The following SPAG16 variants were observed in gnomAD, a reference collection of about 807,000 sequenced individuals.
SPAG16 encodes the protein sperm associated antigen 16.
A neutral mutation model predicts 80.4 loss-of-function variants in SPAG16; 86 were observed. That is an observed-to-expected ratio of 1.07 (90% CI 0.90 to 1.28). The LOEUF (loss-of-function observed/expected upper bound fraction) is 1.28, where lower values mean the gene tolerates loss of function less well. Among genes scored for constraint, SPAG16 ranks in the 50% most tolerant of loss-of-function variants. The pLI is 0.00. For missense variants in SPAG16, 870 were observed against 765.3 expected (o/e 1.14, Z -1.61); for synonymous variants, 294 against 265.9 (o/e 1.11, Z -1.03).
intron 14 of SPAG16, among the ~76,000 whole-genome samples, chr2:214,144,401 T>C (rs551891392): frequency 2.4e-4 from 35 of 145,008 alleles, no homozygotes; most frequent in African/African-American, 9.2e-4. Flanking sequence ...TTGGCATAAA[T>C]TTTTCCATGT....
At chr2:213,648,739 AG>A in intron 10 of SPAG16, among the ~76,000 whole-genome samples, 1 of 152,196 alleles carries the variant, frequency 6.6e-6, no homozygotes, top group Admixed American at 6.5e-5. Flanking sequence ...ACAAACTATA[AG>A]CAGAAAAGAA....
At chr2:214,102,357 A>C (rs1246838299) in intron 13 of SPAG16, among the ~76,000 whole-genome samples, 1 of 148,600 alleles carries the variant, frequency 6.7e-6, no homozygotes, top group Non-Finnish European at 1.5e-5. Context: ...AAATGGGGTG[A>C]CCTATTTGTC....
At chr2:213,891,470 C>G (rs1022047232) in intron 11 of SPAG16, among the ~76,000 whole-genome samples, 1 of 152,026 alleles carries the variant, frequency 6.6e-6, no homozygotes, top group African/African-American at 2.4e-5. Flanking sequence ...CTGACAATAA[C>G]AGTTGTCAGT....
intron 2 of SPAG16, among the ~76,000 whole-genome samples, chr2:213,296,390 T>A (rs1186883819): frequency 2.0e-5 from 3 of 152,202 alleles, no homozygotes; most frequent in African/African-American, 7.2e-5. Context: ...TACCATAAAC[T>A]GTTATCTCTG....
chr2:213,652,605 T>C lies in SPAG16; in HGVS notation c.1070+162515T>C, dbSNP rs1039888506. On this transcript the variant is annotated intron_variant, in intron 10 of 15. Transcript: ENST00000331683. ...TTATCTGTTCTAACAGGTAGTGATA[T>C]ATTGTCATGGTTATAATTTGCATTT... is the stretch of plus-strand genomic sequence containing the variant. Among the ~76,000 whole-genome samples, 18 of 152,196 alleles carry C rather than the reference T, an allele frequency of 1.2e-4. 1 individual carries two copies. The highest frequency in any genetic ancestry group is 2.5e-4 in the Non-Finnish European group (17 of 68,004).
chr2:213,567,033 G>A (rs2059792437), intron 10 of SPAG16, among the ~76,000 whole-genome samples: 2 of 151,920 alleles, frequency 1.3e-5, no homozygotes, highest in Non-Finnish European at 2.9e-5. Flanking sequence ...TCATCCTTCT[G>A]GCTTATCTTG....
Position 214,044,612 on chromosome 2 carries a change from T to C in SPAG16, c.1527+30535T>C, listed in dbSNP as rs143526453. 1.1e-3 allele frequency among the ~76,000 whole-genome samples: 169 copies of C among 152,320 alleles called. 1 individual carries two copies. The highest frequency in any genetic ancestry group is 4.0e-3 in the African/African-American group (165 of 41,570). On this transcript the variant is annotated intron_variant, in intron 13 of 15. Coordinates refer to ENST00000331683, the MANE Select transcript of SPAG16 (RefSeq NM_024532.5). ...TTCAGAGTACCTGCTTTTAACTTCA[T>C]ACTGAAAGAGGCACTGAAAAGGATA... is the stretch of plus-strand genomic sequence containing the variant.
chr2:214,066,306 C>T (rs1195761689), intron 13 of SPAG16, among the ~76,000 whole-genome samples: 1 of 152,130 alleles, frequency 6.6e-6, no homozygotes, highest in African/African-American at 2.4e-5. Flanking sequence ...CAAGCACCAT[C>T]TGAGGCTGAA....
At chr2:213,417,438 G>C (rs567060482) in intron 9 of SPAG16, among the ~76,000 whole-genome samples, 9 of 152,158 alleles carry the variant, frequency 5.9e-5, no homozygotes, top group Non-Finnish European at 1.3e-4. Flanking sequence ...ACAACATGCA[G>C]GGAACTAGAC....
chr2:214,014,190 A>G, intron 13 of SPAG16, 113 bp downstream of exon 13: 1 of 1,329,314 alleles, frequency 7.5e-7, no homozygotes, highest in Non-Finnish European at 1.0e-6. Context: ...CATTCAGGGC[A>G]AAAGAACAGT....
intron 10 of SPAG16, among the ~76,000 whole-genome samples, chr2:213,762,885 C>T (rs113133207): frequency 6.6e-6 from 1 of 152,056 alleles, no homozygotes; most frequent in Non-Finnish European, 1.5e-5. Context: ...AGTTGCAAAT[C>T]TTATAAGGGG....
chr2:214,197,038 G>A (rs1399235443), intron 15 of SPAG16, among the ~76,000 whole-genome samples: 1 of 151,934 alleles, frequency 6.6e-6, no homozygotes, highest in Non-Finnish European at 1.5e-5. Context: ...AAATGGCCCT[G>A]GGATATTCAG....
chr2:214,185,088 A>T (rs1386510111), intron 15 of SPAG16, among the ~76,000 whole-genome samples: 1 of 152,060 alleles, frequency 6.6e-6, no homozygotes, highest in Non-Finnish European at 1.5e-5. Context: ...GACAAAGGTA[A>T]TTTGCTTGCA....
intron 10 of SPAG16, among the ~76,000 whole-genome samples, chr2:213,562,183 G>T (rs989793065): frequency 6.6e-6 from 1 of 152,160 alleles, no homozygotes; most frequent in Non-Finnish European, 1.5e-5. Flanking sequence ...ATTCATAGTT[G>T]CTAATATGAA....
At chr2:213,565,465 C>T (rs147802045) in intron 10 of SPAG16, among the ~76,000 whole-genome samples, 4 of 152,280 alleles carry the variant, frequency 2.6e-5, no homozygotes, top group African/African-American at 9.6e-5. Context: ...ATAAAGCATG[C>T]GAGAGCTACT....
rs906776070 is a variant in SPAG16 at position 213,645,773 on chromosome 2, C to T, written c.1070+155683C>T. ...GTCCCAGCTGGTGTCTCAGTAGTCA[C>T]GTGGCCCCCCCAGTCAACTGTCTGT... On this transcript the variant is annotated intron_variant, in intron 10 of 15. Coordinates refer to ENST00000331683, the MANE Select transcript of SPAG16 (RefSeq NM_024532.5). Among the ~76,000 whole-genome samples, 3 of 152,198 alleles carry T rather than the reference C, an allele frequency of 2.0e-5. 1 individual carries two copies. Among genetic ancestry groups the T allele is most frequent in the South Asian group, 4.2e-4 (2 of 4,818 alleles).
At chr2:213,591,552 A>G (rs1241234343) in intron 10 of SPAG16, among the ~76,000 whole-genome samples, 1 of 152,204 alleles carries the variant, frequency 6.6e-6, no homozygotes, top group African/African-American at 2.4e-5. Context: ...AGTGTTTATA[A>G]AATTATTCAG....
intron 15 of SPAG16, among the ~76,000 whole-genome samples, chr2:214,329,107 G>A (rs545021576): frequency 8.5e-5 from 13 of 152,306 alleles, no homozygotes; most frequent in African/African-American, 3.1e-4. Context: ...AAAAACAAAG[G>A]CGGTTTCTCA....
rs188275985 is a variant in SPAG16 at position 214,210,970 on chromosome 2, A to G, written c.1720+61704A>G. 1.4e-4 allele frequency among the ~76,000 whole-genome samples: 21 copies of G among 152,308 alleles called. No homozygotes were observed. In the East Asian group the frequency reaches 4.0e-3, roughly 29 times the overall value. On this transcript the variant is annotated intron_variant, in intron 15 of 15. Transcript: ENST00000331683. Reference sequence around the variant, plus strand: ...TATCTGACAACAAAAGAAAGATGCCATAATATATTTAAGTGATAAACCAAA... The same window carrying G: ...TATCTGACAACAAAAGAAAGATGCCGTAATATATTTAAGTGATAAACCAAA...
Sources: allele counts gnomAD v4.1 joint callset (sites outside exome capture counted in the v4.1 genomes callset), GRCh38; gene constraint gnomAD v4.1.1; transcripts MANE v1.5; gene names NCBI Gene and HGNC (gene_info 2026-07-23, HGNC 2026-07-21).